ROBO1: variants seen among roughly 807,000 people sequenced by gnomAD.
ROBO1 encodes roundabout homolog 1.
ROBO1 carries 149 observed loss-of-function variants against 195.9 expected under a neutral mutation model. The ratio of observed to expected loss-of-function variants is 0.76; its 90% CI spans 0.67 to 0.87. The LOEUF is 0.87. Among genes scored for constraint, ROBO1 ranks in the 40% least tolerant of loss-of-function variants. The probability of loss-of-function intolerance (pLI) is 0.00; values close to 1 mark genes in which losing one functional copy is unlikely to be tolerated. For synonymous variants in ROBO1, 816 were observed against 733.2 expected, an observed-to-expected ratio of 1.11 and a Z score of -1.82; for missense variants, 1,933 against 2,068.3, an observed-to-expected ratio of 0.93 and a Z score of 1.27.
chr3:79,750,408 G>A (rs1704083375), intron 1 of ROBO1, among the ~76,000 whole-genome samples: 1 of 152,196 alleles, frequency 6.6e-6, no homozygotes, highest in Non-Finnish European at 1.5e-5. Context: ...CTGGGGGACT[G>A]TTAGGAAGGC....
intron 2 of ROBO1, among the ~76,000 whole-genome samples, chr3:79,381,947 C>A (rs1003783130): frequency 1.3e-5 from 2 of 152,110 alleles, no homozygotes; most frequent in Admixed American, 6.5e-5. Context: ...CGTATTTTCT[C>A]ATTTTTCACA....
At chr3:79,025,733 A>G (rs2078191698) in intron 3 of ROBO1, among the ~76,000 whole-genome samples, 1 of 152,170 alleles carries the variant, frequency 6.6e-6, no homozygotes, top group East Asian at 1.9e-4. Context: ...GCACACCCTT[A>G]TTTAGATCAG....
intron 17 of ROBO1, 113 bp downstream of exon 17, chr3:78,659,573 T>G: frequency 2.7e-6 from 2 of 735,132 alleles, no homozygotes; most frequent in Non-Finnish European, 3.8e-6. Context: ...TGTTGCTATT[T>G]GGACCAGCAG....
At chr3:79,710,348 C>T (rs1263692690) in intron 1 of ROBO1, among the ~76,000 whole-genome samples, 1 of 150,924 alleles carries the variant, frequency 6.6e-6, no homozygotes, top group Admixed American at 6.6e-5. Context: ...CACAAATAAT[C>T]TTAAAGCAGC....
Position 79,170,919 on chromosome 3 carries a change from A to G in ROBO1, c.89-45380T>C, listed in dbSNP as rs535695372. On this transcript the variant is annotated intron_variant, in intron 2 of 30. Coordinates refer to ENST00000464233, the MANE Select transcript of ROBO1 (RefSeq NM_002941.4). ...TAACAGAGTAATTTACTTTATATAT[A>G]CCTTTCCTTCATTCAGAAATGAAGA... Among the ~76,000 whole-genome samples, 3 of 152,104 alleles carry G rather than the reference A, an allele frequency of 2.0e-5. No individual in the cohort carries two copies. In the South Asian group the frequency reaches 6.2e-4, roughly 32 times the overall value.
At chr3:79,528,806 G>C (rs890409539) in intron 2 of ROBO1, among the ~76,000 whole-genome samples, 1 of 152,148 alleles carries the variant, frequency 6.6e-6, no homozygotes, top group South Asian at 2.1e-4. Flanking sequence ...TACGGTCAGC[G>C]ATGCAGCTGA....
At chr3:78,852,141 C>T (rs545914193) in intron 4 of ROBO1, among the ~76,000 whole-genome samples, 1 of 151,966 alleles carries the variant, frequency 6.6e-6, no homozygotes, top group Non-Finnish European at 1.5e-5. Context: ...ATTATGTGTT[C>T]ATTTTTAATG....
intron 2 of ROBO1, among the ~76,000 whole-genome samples, chr3:79,184,144 C>T (rs2081394555): frequency 6.6e-6 from 1 of 152,174 alleles, no homozygotes; most frequent in South Asian, 2.1e-4. Flanking sequence ...AAAGTATCGG[C>T]AGGATGCAGT....
At chr3:78,644,916 G>A (rs753350760) in intron 21 of ROBO1, among the ~76,000 whole-genome samples, 17 of 152,156 alleles carry the variant, frequency 1.1e-4, no homozygotes, top group Non-Finnish European at 2.5e-4. Context: ...ATGTAATGAA[G>A]TGGTTATAAA....
Position 79,342,423 on chromosome 3 carries a change from A to G in ROBO1, c.89-216884T>C, listed in dbSNP as rs973457666. 3.3e-5 allele frequency among the ~76,000 whole-genome samples: 5 copies of G among 152,340 alleles called. No individual in the cohort carries two copies. The East Asian group carries it at 7.7e-4, about 24-fold the overall frequency. On this transcript the variant is annotated intron_variant, in intron 2 of 30. Transcript: ENST00000464233. ...TAAATTTGTCAGACATCATAAAGAAAAGTGGCTTTTAAAGCTTGCTTTCTA... is the reference window on the plus strand; with the variant it reads ...TAAATTTGTCAGACATCATAAAGAAGAGTGGCTTTTAAAGCTTGCTTTCTA...
intron 25 of ROBO1, 73 bp downstream of exon 25, chr3:78,631,087 AG>A: frequency 6.9e-7 from 1 of 1,456,832 alleles, no homozygotes; most frequent in African/African-American, 1.4e-5. Context: ...TTGACCACCT[AG>A]TATAATAATT....
rs935539775 is a variant in ROBO1, at chr3:79,501,467, C to G, written c.88+88357G>C. On this transcript the variant is annotated intron_variant, in intron 2 of 30. Coordinates refer to ENST00000464233, the MANE Select transcript of ROBO1 (RefSeq NM_002941.4). Reference sequence around the variant, plus strand: ...AAATGTGATTCCATGACTACTAAAGCTAGTAATGGTGATGACCCTTAGAAA... The same window carrying G: ...AAATGTGATTCCATGACTACTAAAGGTAGTAATGGTGATGACCCTTAGAAA... Among the ~76,000 whole-genome samples the G allele has an allele frequency of 7.9e-5, 12 of 152,168 alleles. 1 individual carries two copies. The highest frequency in any genetic ancestry group is 7.9e-4 in the Admixed American group (12 of 15,270).
chr3:79,631,988 A>G (rs1363841587), intron 1 of ROBO1, among the ~76,000 whole-genome samples: 1 of 152,118 alleles, frequency 6.6e-6, no homozygotes, highest in Admixed American at 6.6e-5. Context: ...GATATTGGTG[A>G]GATCACAGAG....
intron 3 of ROBO1, among the ~76,000 whole-genome samples, chr3:78,986,151 A>G (rs1479130950): frequency 2.0e-5 from 3 of 152,150 alleles, no homozygotes; most frequent in African/African-American, 7.2e-5. Context: ...GAGAACCCAG[A>G]TGATACATTT....
intron 2 of ROBO1, among the ~76,000 whole-genome samples, chr3:79,363,746 G>A (rs1006546998): frequency 6.6e-6 from 1 of 152,146 alleles, no homozygotes; most frequent in African/African-American, 2.4e-5. Context: ...ATAAGCACAG[G>A]TGTGTACATC....
intron 2 of ROBO1, among the ~76,000 whole-genome samples, chr3:79,494,113 T>C (rs551876135): frequency 7.2e-5 from 11 of 152,208 alleles, no homozygotes; most frequent in Non-Finnish European, 1.6e-4. Flanking sequence ...TACTATGAGA[T>C]GTGGACTTTG....
chr3:79,250,563 T>G (rs2082708765), intron 2 of ROBO1, among the ~76,000 whole-genome samples: 1 of 151,742 alleles, frequency 6.6e-6, no homozygotes, highest in Non-Finnish European at 1.5e-5. Context: ...ATAATGTGTG[T>G]GGGGGGGGTT....
intron 2 of ROBO1, among the ~76,000 whole-genome samples, chr3:79,423,690 T>A (rs922478836): frequency 1.3e-5 from 2 of 152,084 alleles, no homozygotes; most frequent in African/African-American, 4.8e-5. Flanking sequence ...GTACTATTTT[T>A]ATTAGTTTTT....
At chr3:79,504,881 A>G (rs1271098322) in intron 2 of ROBO1, among the ~76,000 whole-genome samples, 3 of 152,024 alleles carry the variant, frequency 2.0e-5, no homozygotes, top group Non-Finnish European at 4.4e-5. Flanking sequence ...GTGTGTGTGT[A>G]TGTATGCGGA....
Sources: allele counts gnomAD v4.1 joint callset (sites outside exome capture counted in the v4.1 genomes callset), GRCh38; gene constraint gnomAD v4.1.1; transcripts MANE v1.5; gene names NCBI Gene and HGNC (gene_info 2026-07-23, HGNC 2026-07-21).